The following MKLN1 variants were observed in gnomAD, a reference collection of about 807,000 sequenced individuals.
The protein encoded by MKLN1 is muskelin.
MKLN1 carries 18 observed loss-of-function variants against 99.0 expected under a neutral mutation model. The observed-to-expected ratio is 0.18, with a 90% CI of 0.13 to 0.27. MKLN1 has a LOEUF of 0.27. MKLN1 is among the 10% of genes least tolerant of loss of function. MKLN1 has a pLI of 1.00. For synonymous variants in MKLN1, 288 were observed against 293.2 expected, an observed-to-expected ratio of 0.98 and a Z score of 0.18; for missense variants, 621 against 875.9, an observed-to-expected ratio of 0.71 and a Z score of 3.67.
chr7:131,223,463 C>T (rs1261607917), intron 3 of MKLN1, among the ~76,000 whole-genome samples: 2 of 152,292 alleles, frequency 1.3e-5, no homozygotes, highest in African/African-American at 4.8e-5. Context: ...GAAAGATTTA[C>T]AGGAAGTTAG....
intron 12 of MKLN1, among the ~76,000 whole-genome samples, chr7:131,453,970 A>C (rs781659311): frequency 9.2e-5 from 14 of 152,078 alleles, no homozygotes; most frequent in Non-Finnish European, 2.1e-4. Context: ...ATAACTTTTA[A>C]GTGTAAATTA....
intron 3 of MKLN1, among the ~76,000 whole-genome samples, chr7:131,293,024 C>T (rs1798244259): frequency 6.6e-6 from 1 of 152,194 alleles, no homozygotes; most frequent in South Asian, 2.1e-4. Context: ...TATTTCGCTA[C>T]CACTTACCTC....
At chr7:131,437,172 C>T (rs13237482) in intron 9 of MKLN1, among the ~76,000 whole-genome samples, 1 of 151,620 alleles carries the variant, frequency 6.6e-6, no homozygotes, top group East Asian at 1.9e-4. Context: ...TTTGCTGCAC[C>T]CATCAACTCA....
intron 3 of MKLN1, among the ~76,000 whole-genome samples, chr7:131,240,465 A>G (rs1272369674): frequency 6.6e-6 from 1 of 151,840 alleles, no homozygotes; most frequent in Non-Finnish European, 1.5e-5. Context: ...AAACGTTTAA[A>G]AATTTTTTCT....
rs1371661729 is a variant in MKLN1 at position 131,429,120 on chromosome 7, G to A, written c.935G>A (p.Cys312Tyr). The change falls in exon 9 of 18, where the codon TGT (cysteine) becomes TAT (tyrosine). Residue 312 changes from cysteine to tyrosine, a missense_variant. Coordinates refer to ENST00000352689, the MANE Select transcript of MKLN1 (RefSeq NM_013255.5). ...AGTGTGAAGGAGAACCAGTGGACAT[G>A]TATCTCTAGAGACACTGAAAAAGAG... ...AYSVKENQWT[C>Y]ISRDTEKENG... 1 of 1,613,424 alleles carries A rather than the reference G, an allele frequency of 6.2e-7. No homozygotes were observed. Among genetic ancestry groups the A allele is most frequent in the Non-Finnish European group, 8.5e-7 (1 of 1,179,600 alleles).
At chr7:131,145,717 C>T (rs1426915431) in intron 2 of MKLN1, among the ~76,000 whole-genome samples, 1 of 152,240 alleles carries the variant, frequency 6.6e-6, no homozygotes, top group Non-Finnish European at 1.5e-5. Context: ...GATTTGATCT[C>T]TTCTGGGTAA....
chr7:131,189,902 G>A (rs1796509319), intron 2 of MKLN1, among the ~76,000 whole-genome samples: 1 of 120,766 alleles, frequency 8.3e-6, no homozygotes, highest in African/African-American at 2.9e-5. Flanking sequence ...TAGGAGGGCT[G>A]GGGGCAATAG....
chr7:131,488,932 TCTG>T lies in MKLN1; in HGVS notation c.*1205_*1207del, dbSNP rs1359615998. 2 of 152,158 alleles carry T rather than the reference TCTG, an allele frequency of 1.3e-5. No individual in the cohort carries two copies. The highest frequency in any genetic ancestry group is 2.9e-5 in the Non-Finnish European group (2 of 68,002). The allele number at this position is 152,158 out of a possible 1,614,324, so 9.4% of individuals were successfully genotyped here. On this transcript the variant is annotated 3_prime_UTR_variant, in exon 18 of 18. Coordinates refer to ENST00000352689, the MANE Select transcript of MKLN1 (RefSeq NM_013255.5). Reference sequence around the variant, plus strand: ...GTGTGAGAGATAGAGGTACATGTCTTCTGATGATGTGCTGTGGAATGCAATGTG... The same window carrying T: ...GTGTGAGAGATAGAGGTACATGTCTTATGATGTGCTGTGGAATGCAATGTG...
chr7:131,441,764 A>C (rs946491710), intron 10 of MKLN1, among the ~76,000 whole-genome samples: 3 of 152,240 alleles, frequency 2.0e-5, no homozygotes, highest in Non-Finnish European at 4.4e-5. Flanking sequence ...AAAAGAAAGA[A>C]ACTCTTTGTA....
chr7:131,488,327 C>G lies in MKLN1; in HGVS notation c.*599C>G, dbSNP rs998794343. 6.6e-6 allele frequency: 1 copy of G among 151,992 alleles called. No homozygotes were observed. The highest frequency in any genetic ancestry group is 1.5e-5 in the Non-Finnish European group (1 of 67,988). The allele number at this position is 151,992 out of a possible 1,614,324, so 9.4% of individuals were successfully genotyped here. Reference sequence around the variant, plus strand: ...GTCTTGTGTTACATTAAACAGTAGGCAGAACTGAGGTCTCAAGTTTGCACT... The same window carrying G: ...GTCTTGTGTTACATTAAACAGTAGGGAGAACTGAGGTCTCAAGTTTGCACT... On this transcript the variant is annotated 3_prime_UTR_variant, in exon 18 of 18. Transcript: ENST00000352689.
chr7:131,339,598 C>G (rs1464488120), intron 1 of MKLN1, among the ~76,000 whole-genome samples: 1 of 151,748 alleles, frequency 6.6e-6, no homozygotes, highest in Non-Finnish European at 1.5e-5. Context: ...GTTTGGGAGG[C>G]TGAGGCACGA....
intron 3 of MKLN1, among the ~76,000 whole-genome samples, chr7:131,237,923 G>T (rs957819146): frequency 6.6e-6 from 1 of 152,160 alleles, no homozygotes; most frequent in African/African-American, 2.4e-5. Context: ...GAGGCAGGTG[G>T]ATCACCTGAG....
intron 3 of MKLN1, among the ~76,000 whole-genome samples, chr7:131,230,436 G>A (rs62471973): frequency 0.17 from 26,351 of 152,172 alleles, 2,735 homozygotes; most frequent in Non-Finnish European, 0.23. Context: ...TGGGGATGAT[G>A]AGGAGGCAGC....
chr7:131,216,683 T>C (rs1335028098), intron 3 of MKLN1, among the ~76,000 whole-genome samples: 3 of 152,204 alleles, frequency 2.0e-5, no homozygotes, highest in Non-Finnish European at 2.9e-5. Context: ...ATTTCTACAA[T>C]GTCTTTCAGG....
intron 1 of MKLN1, among the ~76,000 whole-genome samples, chr7:131,136,603 A>G (rs1352200283): frequency 2.0e-5 from 3 of 152,214 alleles, no homozygotes; most frequent in Admixed American, 6.5e-5. Flanking sequence ...TTTTACTTAC[A>G]TGACTGAGGA....
chr7:131,409,171 A>G (rs10279575), intron 6 of MKLN1, among the ~76,000 whole-genome samples: 2,459 of 152,308 alleles, frequency 0.016, 46 homozygotes, highest in African/African-American at 0.054. Flanking sequence ...AATGGATGTC[A>G]TATTTTTATA....
chr7:131,223,170 A>T (rs1352408109), intron 3 of MKLN1, among the ~76,000 whole-genome samples: 1 of 152,198 alleles, frequency 6.6e-6, no homozygotes, highest in Non-Finnish European at 1.5e-5. Context: ...GTTTATAGGG[A>T]TTCTTCCCCA....
At chr7:131,282,434 A>ATAAAC (rs953359005) in intron 3 of MKLN1, among the ~76,000 whole-genome samples, 1 of 152,192 alleles carries the variant, frequency 6.6e-6, no homozygotes, top group Non-Finnish European at 1.5e-5. Flanking sequence ...AAAGTAAGAC[A>ATAAAC]TAAACTTATT....
chr7:131,116,520 C>T (rs549722734), intron 1 of MKLN1, among the ~76,000 whole-genome samples: 5 of 152,032 alleles, frequency 3.3e-5, no homozygotes, highest in Non-Finnish European at 7.4e-5. Flanking sequence ...TTCACACATT[C>T]TACATATGCA....
Sources: gnomAD v4.1 joint callset for allele counts (sites outside exome capture counted in the v4.1 genomes callset) on GRCh38, gnomAD v4.1.1 for gene constraint, MANE v1.5 for transcripts, NCBI Gene and HGNC (gene_info 2026-07-23, HGNC 2026-07-21) for gene names.